Variants in ELOVL5 observed in about 807,000 individuals in gnomAD.
ELOVL5 encodes ELOVL fatty acid elongase 5.
Under a neutral mutation model 38.6 loss-of-function variants are expected in ELOVL5, and 8 were observed. The observed-to-expected ratio is 0.21, with a 90% CI of 0.12 to 0.37. ELOVL5 has a LOEUF of 0.37. Among genes scored for constraint, ELOVL5 ranks in the 10% least tolerant of loss-of-function variants. ELOVL5 has a pLI of 1.00. For synonymous variants in ELOVL5, 127 were observed against 133.7 expected (o/e 0.95, Z 0.34); for missense variants, 280 against 367.8 (o/e 0.76, Z 1.95).
At chr6:53,308,172 T>C (rs1202282827) in intron 1 of ELOVL5, among the ~76,000 whole-genome samples, 1 of 152,214 alleles carries the variant, frequency 6.6e-6, no homozygotes, top group Non-Finnish European at 1.5e-5. Flanking sequence ...TTAAGATCTC[T>C]GTAATTAAGA....
chr6:53,274,852 T>C (rs73433438), intron 5 of ELOVL5, among the ~76,000 whole-genome samples: 1,532 of 152,270 alleles, frequency 0.01, 15 homozygotes, highest in African/African-American at 0.035. Flanking sequence ...TTGTACCTAT[T>C]CCTTAATATG....
At chr6:53,348,709 C>CGAG in intron 1 of ELOVL5, 108 bp downstream of exon 1, 1 of 413,062 alleles carries the variant, frequency 2.4e-6, no homozygotes. Flanking sequence ...GCACCAGGTC[C>CGAG]GAGACCTAAC....
At chr6:53,272,603 T>A (rs1276517018) in intron 6 of ELOVL5, among the ~76,000 whole-genome samples, 3 of 152,026 alleles carry the variant, frequency 2.0e-5, no homozygotes, top group Non-Finnish European at 4.4e-5. Flanking sequence ...GAGAAAGAGG[T>A]TACCTATAAT....
At chr6:53,287,646 A>G (rs994512751) in intron 3 of ELOVL5, among the ~76,000 whole-genome samples, 9 of 152,238 alleles carry the variant, frequency 5.9e-5, no homozygotes, top group Admixed American at 5.9e-4. Context: ...ACAGTCCTCA[A>G]AAGTGAGAGG....
intron 1 of ELOVL5, among the ~76,000 whole-genome samples, chr6:53,299,925 A>C (rs1351153578): frequency 6.6e-6 from 1 of 152,196 alleles, no homozygotes; most frequent in Non-Finnish European, 1.5e-5. Context: ...AGCCAACAAA[A>C]CATTCTCTAA....
At position 53,305,278 on chromosome 6, in the gene ELOVL5, G is replaced by A. The variant is rs1169739905; in HGVS notation, c.-8-9571C>T. Among the ~76,000 whole-genome samples, 403 of 140,798 alleles carry A rather than the reference G, an allele frequency of 2.9e-3. 1 individual carries two copies. The highest frequency in any genetic ancestry group is 9.2e-3 in the African/African-American group (345 of 37,422). 92.4% of individuals were successfully genotyped at this position (140,798 alleles called of 152,430 possible). ...TCCTCACTTCCCAGTAGGGGCGGCC[G>A]GGCAGAGGCGCCCCTCACCTCCCGG... On this transcript the variant is annotated intron_variant, in intron 1 of 7. Transcript: ENST00000304434.
At chr6:53,299,970 T>G (rs1767181900) in intron 1 of ELOVL5, among the ~76,000 whole-genome samples, 1 of 152,096 alleles carries the variant, frequency 6.6e-6, no homozygotes, top group Admixed American at 6.5e-5. Flanking sequence ...GATAATAATT[T>G]TCAAATTATT....
chr6:53,272,695 G>A (rs1765968461), intron 6 of ELOVL5, among the ~76,000 whole-genome samples: 1 of 152,176 alleles, frequency 6.6e-6, no homozygotes, highest in African/African-American at 2.4e-5. Context: ...TAAACCAGGG[G>A]AGGAGCTGTT....
At chr6:53,286,451 T>C (rs1310722269) in intron 3 of ELOVL5, among the ~76,000 whole-genome samples, 1 of 152,048 alleles carries the variant, frequency 6.6e-6, no homozygotes, top group Admixed American at 6.6e-5. Flanking sequence ...TAGTCCCAGC[T>C]ACTCAGGAGG....
At chr6:53,323,901 ATAAG>A (rs1163427638) in intron 1 of ELOVL5, among the ~76,000 whole-genome samples, 1 of 152,204 alleles carries the variant, frequency 6.6e-6, no homozygotes, top group Non-Finnish European at 1.5e-5. Context: ...TAAAGCCAGG[ATAAG>A]TAACAAGCTT....
chr6:53,309,487 G>A (rs1410218024), intron 1 of ELOVL5, among the ~76,000 whole-genome samples: 2 of 152,128 alleles, frequency 1.3e-5, no homozygotes, highest in Admixed American at 6.6e-5. Flanking sequence ...TAGACTACAG[G>A]ACCTCAAGCT....
chr6:53,268,932 A>AT lies in ELOVL5; in HGVS notation c.*194dup. ...AGCGCAGGGGTCAGAGAGCCCAGAA[A>AT]TGTTAGAAATCTTATCCCTACTTAT... On this transcript the variant is annotated 3_prime_UTR_variant, in exon 8 of 8. Transcript: ENST00000304434. The AT allele has an allele frequency of 7.0e-6, 4 of 575,330 alleles. No individual in the cohort carries two copies. The South Asian group carries it at 1.1e-4, about 16-fold the overall frequency. 35.6% of individuals were successfully genotyped at this position (575,330 alleles called of 1,614,324 possible). A position where few individuals can be genotyped will look rare whatever the true frequency, so the allele number is the denominator to read the frequency against.
At chr6:53,293,177 C>T (rs1272671129) in intron 2 of ELOVL5, among the ~76,000 whole-genome samples, 1 of 152,144 alleles carries the variant, frequency 6.6e-6, no homozygotes, top group Non-Finnish European at 1.5e-5. Context: ...TCCCCGAAAA[C>T]CTGTGGCTCC....
At chr6:53,340,212 TTATG>T (rs1161181988) in intron 1 of ELOVL5, among the ~76,000 whole-genome samples, 7 of 151,970 alleles carry the variant, frequency 4.6e-5, no homozygotes, top group Non-Finnish European at 8.8e-5. Flanking sequence ...AAGCTACAGT[TTATG>T]TATTAAGGAA....
At chr6:53,297,860 A>G (rs1162533066) in intron 1 of ELOVL5, among the ~76,000 whole-genome samples, 2 of 152,198 alleles carry the variant, frequency 1.3e-5, no homozygotes, top group Admixed American at 6.5e-5. Context: ...AGATTGAACC[A>G]CTTCAGGAGA....
chr6:53,283,309 G>C (rs1442278792), intron 3 of ELOVL5, among the ~76,000 whole-genome samples: 1 of 151,946 alleles, frequency 6.6e-6, no homozygotes, highest in East Asian at 1.9e-4. Flanking sequence ...ATGTGGAAAA[G>C]GCATGTTTAC....
intron 3 of ELOVL5, among the ~76,000 whole-genome samples, chr6:53,286,517 T>C (rs1268351236): frequency 1.3e-5 from 2 of 152,104 alleles, no homozygotes; most frequent in Admixed American, 6.6e-5. Context: ...GGGTGAGGTA[T>C]GATTGTGCCA....
chr6:53,313,597 A>G (rs531306883), intron 1 of ELOVL5, among the ~76,000 whole-genome samples: 1 of 152,242 alleles, frequency 6.6e-6, no homozygotes, highest in South Asian at 2.1e-4. Context: ...CCTGGGCTCA[A>G]GCAATCCTCT....
At chr6:53,314,415 G>A (rs1032606376) in intron 1 of ELOVL5, among the ~76,000 whole-genome samples, 4 of 152,202 alleles carry the variant, frequency 2.6e-5, no homozygotes, top group Non-Finnish European at 4.4e-5. Flanking sequence ...AGGACAGAGT[G>A]AAGGAGAAAC....
Sources: allele counts gnomAD v4.1 joint callset (sites outside exome capture counted in the v4.1 genomes callset), GRCh38; gene constraint gnomAD v4.1.1; transcripts MANE v1.5; gene names NCBI Gene and HGNC (gene_info 2026-07-23, HGNC 2026-07-21).